CSMD1: variants seen among roughly 807,000 people sequenced by gnomAD.
The protein encoded by CSMD1 is CUB and sushi domain-containing protein 1.
Under a neutral mutation model 417.5 loss-of-function variants are expected in CSMD1, and 213 were observed. The observed-to-expected ratio is 0.51, with a 90% CI of 0.46 to 0.57. The LOEUF (loss-of-function observed/expected upper bound fraction) is 0.57. Among genes scored for constraint, CSMD1 ranks in the 20% least tolerant of loss-of-function variants. The probability of loss-of-function intolerance (pLI) is 0.00; values close to 1 mark genes in which losing one functional copy is unlikely to be tolerated. For synonymous variants in CSMD1, 2,862 were observed against 1,736.8 expected (o/e 1.65, Z -16.11); for missense variants, 6,923 against 4,529.7 (o/e 1.53, Z -15.17).
intron 1 of CSMD1, among the ~76,000 whole-genome samples, chr8:4,686,374 G>A (rs372472568): frequency 8.5e-5 from 13 of 152,188 alleles, no homozygotes; most frequent in Admixed American, 3.9e-4. Context: ...TCTGACATTT[G>A]AGAAAACTGC....
intron 2 of CSMD1, among the ~76,000 whole-genome samples, chr8:4,443,633 C>T (rs1327163152): frequency 2.0e-5 from 3 of 152,216 alleles, no homozygotes. Flanking sequence ...TGTACTGGAA[C>T]AGCCATGCCG....
At position 3,747,214 on chromosome 8, in the gene CSMD1, T is replaced by C. The variant is rs553469906; in HGVS notation, c.931+6716A>G. 1.1e-4 allele frequency among the ~76,000 whole-genome samples: 17 copies of C among 152,240 alleles called. No homozygotes were observed. The South Asian group carries it at 3.5e-3, about 32-fold the overall frequency. On this transcript the variant is annotated intron_variant, in intron 6 of 69. Transcript: ENST00000635120. ...ATGACGAGAGCCACAGCCCTTAATC[T>C]CTCCATTTCTCGCATGAGAGTTGAA...
In CSMD1 at chr8:4,196,935, G is replaced by C. The variant is rs539873896; in HGVS notation, c.416-164836C>G. 3.3e-5 allele frequency among the ~76,000 whole-genome samples: 5 copies of C among 152,254 alleles called. 1 individual carries two copies. The highest frequency in any genetic ancestry group is 1.2e-4 in the African/African-American group (5 of 41,554). On this transcript the variant is annotated intron_variant, in intron 3 of 69. Transcript: ENST00000635120. Reference sequence around the variant, plus strand: ...TAAGAGTTTGTTCATGTTAAAATTTGTTTGTTCTTTGCTCCAATTTTAGTC... The same window carrying C: ...TAAGAGTTTGTTCATGTTAAAATTTCTTTGTTCTTTGCTCCAATTTTAGTC...
At chr8:4,797,731 T>G (rs1798058348) in intron 1 of CSMD1, among the ~76,000 whole-genome samples, 1 of 152,174 alleles carries the variant, frequency 6.6e-6, no homozygotes, top group Admixed American at 6.5e-5. Context: ...CTGGGATAGG[T>G]ACATACAAAT....
At chr8:3,320,514 G>A (rs890002317) in intron 23 of CSMD1, among the ~76,000 whole-genome samples, 1 of 152,164 alleles carries the variant, frequency 6.6e-6, no homozygotes, top group African/African-American at 2.4e-5. Context: ...ATGACTCATA[G>A]GCTGATACTT....
At chr8:3,402,119 G>A (rs946460321) in intron 15 of CSMD1, among the ~76,000 whole-genome samples, 1 of 152,006 alleles carries the variant, frequency 6.6e-6, no homozygotes, top group South Asian at 2.1e-4. Flanking sequence ...ATGCTGGCTT[G>A]ATGAAATGTT....
intron 1 of CSMD1, among the ~76,000 whole-genome samples, chr8:4,922,073 C>T (rs1281266733): frequency 6.6e-6 from 1 of 152,176 alleles, no homozygotes; most frequent in Non-Finnish European, 1.5e-5. Context: ...GTACCCAGAG[C>T]ACCTGAGCTT....
chr8:3,271,153 C>T (rs1012473736), intron 26 of CSMD1, among the ~76,000 whole-genome samples: 7 of 146,854 alleles, frequency 4.8e-5, no homozygotes, highest in South Asian at 2.2e-4. Flanking sequence ...TGTTCAGTTC[C>T]CACCTTTGAG....
chr8:4,415,571 C>G (rs1181618078), intron 3 of CSMD1, among the ~76,000 whole-genome samples: 2 of 152,200 alleles, frequency 1.3e-5, no homozygotes, highest in Non-Finnish European at 2.9e-5. Context: ...ACCAATTACA[C>G]CAGTGTTCTG....
intron 23 of CSMD1, among the ~76,000 whole-genome samples, chr8:3,338,868 G>A (rs920832673): frequency 2.0e-5 from 3 of 148,910 alleles, no homozygotes; most frequent in East Asian, 2.0e-4. Context: ...AAGTTTTAGG[G>A]TACATGTGCA....
intron 69 of CSMD1, among the ~76,000 whole-genome samples, chr8:2,942,004 G>C (rs1036079095): frequency 1.3e-5 from 2 of 152,116 alleles, no homozygotes; most frequent in African/African-American, 4.8e-5. Context: ...TTATTTCTTA[G>C]ATGTATTCTG....
chr8:3,819,186 A>T (rs9693433), intron 5 of CSMD1, among the ~76,000 whole-genome samples: 4 of 151,892 alleles, frequency 2.6e-5, no homozygotes, highest in African/African-American at 9.7e-5. Flanking sequence ...CCACAGTGAA[A>T]CTCAATGTCT....
At chr8:4,194,378 T>C (rs1030885832) in intron 3 of CSMD1, among the ~76,000 whole-genome samples, 3 of 152,174 alleles carry the variant, frequency 2.0e-5, no homozygotes, top group African/African-American at 4.8e-5. Context: ...ATTGCTCACA[T>C]TGGCATCAGT....
In CSMD1 at chr8:4,071,044, G is replaced by C. The variant is rs114408994; in HGVS notation, c.416-38945C>G. Among the ~76,000 whole-genome samples the C allele has an allele frequency of 5.1e-3, 771 of 152,234 alleles. 4 individuals carry two copies. Among genetic ancestry groups the C allele is most frequent in the African/African-American group, 0.017 (696 of 41,534 alleles). Reference sequence around the variant, plus strand: ...AAGCTTTTTCTCTGTCTCTTTTGAAGCAGTTTGGCTGTGGTGTACATGGTT... The same window carrying C: ...AAGCTTTTTCTCTGTCTCTTTTGAACCAGTTTGGCTGTGGTGTACATGGTT... On this transcript the variant is annotated intron_variant, in intron 3 of 69. Coordinates refer to ENST00000635120, the MANE Select transcript of CSMD1 (RefSeq NM_033225.6).
chr8:4,712,588 A>C (rs1267691279), intron 1 of CSMD1, among the ~76,000 whole-genome samples: 1 of 152,266 alleles, frequency 6.6e-6, no homozygotes, highest in Non-Finnish European at 1.5e-5. Flanking sequence ...GCTTTAGAAT[A>C]CTGAAGATAT....
intron 3 of CSMD1, among the ~76,000 whole-genome samples, chr8:4,369,310 G>T (rs1437053768): frequency 1.3e-5 from 2 of 152,034 alleles, no homozygotes; most frequent in African/African-American, 4.8e-5. Context: ...ATTTGTGGTT[G>T]TTATGAATTG....
intron 2 of CSMD1, among the ~76,000 whole-genome samples, chr8:4,631,129 G>C (rs370096051): frequency 6.6e-6 from 1 of 152,116 alleles, no homozygotes; most frequent in Non-Finnish European, 1.5e-5. Context: ...TTGGGAGGCC[G>C]AGGCGGGTGG....
intron 2 of CSMD1, among the ~76,000 whole-genome samples, chr8:4,440,446 T>C (rs375552985): frequency 1.3e-5 from 2 of 152,188 alleles, no homozygotes; most frequent in Non-Finnish European, 2.9e-5. Context: ...CACAAAATCA[T>C]TGTTCATCTT....
intron 7 of CSMD1, among the ~76,000 whole-genome samples, chr8:3,699,828 C>G (rs1179129754): frequency 6.6e-6 from 1 of 152,098 alleles, no homozygotes; most frequent in Non-Finnish European, 1.5e-5. Context: ...CATGAGCACC[C>G]TCTTCCCACA....
Sources: allele counts gnomAD v4.1 joint callset (sites outside exome capture counted in the v4.1 genomes callset), GRCh38; gene constraint gnomAD v4.1.1; transcripts MANE v1.5; gene names NCBI Gene and HGNC (gene_info 2026-07-23, HGNC 2026-07-21).